The following RPS3 variants were observed in gnomAD, a reference collection of about 807,000 sequenced individuals.
RPS3 encodes the protein small ribosomal subunit protein uS3.
RPS3 carries 2 observed loss-of-function variants against 25.8 expected under a neutral mutation model. The observed-to-expected ratio is 0.08, with a 90% CI of 0.03 to 0.24. The LOEUF (loss-of-function observed/expected upper bound fraction) is 0.24. Among genes scored for constraint, RPS3 ranks in the 10% least tolerant of loss-of-function variants. RPS3 has a pLI of 1.00. For synonymous variants in RPS3, 114 were observed against 114.2 expected (o/e 1.00, Z 0.01); for missense variants, 107 against 307.1 (o/e 0.35, Z 4.87).
chr11:75,400,543 C>T, intron 1 of RPS3, 151 bp from the exon 2 acceptor site: 1 of 1,096,830 alleles, frequency 9.1e-7, no homozygotes, highest in African/African-American at 1.5e-5. Context: ...AGAAGGGTTG[C>T]TGCACTCCTG....
chr11:75,411,733 T>A (rs1948358319), downstream of RPS3, among the ~76,000 whole-genome samples: 1 of 152,240 alleles, frequency 6.6e-6, no homozygotes, highest in African/African-American at 2.4e-5. Context: ...AAATGCTTGT[T>A]GCTTGACCAA....
intron 6 of RPS3, among the ~76,000 whole-genome samples, chr11:75,420,701 C>T (rs909466521): frequency 9.2e-5 from 14 of 152,098 alleles, no homozygotes; most frequent in African/African-American, 3.4e-4. Context: ...ACAGGTGAAA[C>T]TGACACCTTT....
intron 6 of RPS3, among the ~76,000 whole-genome samples, chr11:75,416,352 C>G (rs1208977557): frequency 6.6e-6 from 1 of 152,098 alleles, no homozygotes; most frequent in African/African-American, 2.4e-5. Flanking sequence ...CTTTCTGTTT[C>G]TGTTCAAAAG....
Position 75,399,555 on chromosome 11 carries a change from T to C in RPS3, c.8T>C (p.Val3Ala), listed in dbSNP as rs1381673730. The change falls in exon 1 of 7, where the codon GTG (valine) becomes GCG (alanine). Residue 3 changes from valine to alanine, a missense_variant. By Grantham distance (64) the Val-to-Ala change is moderately conservative. Transcript: ENST00000531188. ...GCGGAGCGCGGCGGCAAGATGGCAG[T>C]GCAAATATCCAAGAAGAGGAAGGTG... MAVQISKKRKFVA... is the reference protein window; with the variant it reads MAAQISKKRKFVA... The C allele has an allele frequency of 1.2e-6, 2 of 1,613,876 alleles. No homozygotes were observed. Among genetic ancestry groups the C allele is most frequent in the South Asian group, 1.1e-5 (1 of 91,074 alleles).
intron 4 of RPS3, 130 bp downstream of exon 4, chr11:75,402,576 A>T (rs1225407135): frequency 3.2e-6 from 3 of 923,516 alleles, no homozygotes; most frequent in Non-Finnish European, 4.8e-6. Flanking sequence ...TTATAATAAG[A>T]TACTAAGTCA....
At chr11:75,399,864 G>T (rs1286567589) in intron 1 of RPS3, 10 of 529,554 alleles carry the variant, frequency 1.9e-5, no homozygotes, top group East Asian at 1.7e-4. Flanking sequence ...ATTAGTAAAC[G>T]TGGTATTTTG....
At chr11:75,416,931 C>A (rs1342302759) in intron 6 of RPS3, among the ~76,000 whole-genome samples, 1 of 152,184 alleles carries the variant, frequency 6.6e-6, no homozygotes, top group Non-Finnish European at 1.5e-5. Context: ...ATTTTATCAA[C>A]CAAACCATTC....
At chr11:75,409,817 G>A (rs1356173067), downstream of RPS3, among the ~76,000 whole-genome samples, 1 of 129,922 alleles carries the variant, frequency 7.7e-6, no homozygotes, top group East Asian at 2.2e-4. Context: ...GCGGGGGGCT[G>A]ACCCCCCCAC....
chr11:75,400,556 G>A, intron 1 of RPS3, 138 bp from the exon 2 acceptor site: 2 of 1,269,266 alleles, frequency 1.6e-6, no homozygotes, highest in Non-Finnish European at 2.3e-6. Flanking sequence ...CACTCCTGTT[G>A]GAACAAGGGT....
chr11:75,413,249 ATTTTTTT>A (rs34936491), intron 6 of RPS3, among the ~76,000 whole-genome samples: 1 of 109,610 alleles, frequency 9.1e-6, no homozygotes, highest in African/African-American at 3.4e-5. Context: ...ATATATATAT[ATTTTTTT>A]TTTTGAGACA....
intron 1 of RPS3, chr11:75,399,796 C>T (rs1948177275): frequency 5.3e-6 from 3 of 566,376 alleles, no homozygotes; most frequent in African/African-American, 1.9e-5. Context: ...GAGAGATGGG[C>T]ACCAGGCGCC....
At chr11:75,410,857 G>A (rs1360018485), downstream of RPS3, among the ~76,000 whole-genome samples, 4 of 152,060 alleles carry the variant, frequency 2.6e-5, no homozygotes, top group East Asian at 7.7e-4. Flanking sequence ...GTGGCGGCGC[G>A]CGCCTGCAAT....
intron 3 of RPS3, 58 bp downstream of exon 3, chr11:75,401,791 A>G: frequency 1.0e-6 from 1 of 965,106 alleles, no homozygotes; most frequent in African/African-American, 1.6e-5. Context: ...ACTTCTAAAA[A>G]CTCTCAACTT....
intron 3 of RPS3, 79 bp from the exon 4 acceptor site, chr11:75,402,273 G>A: frequency 3.1e-6 from 5 of 1,588,890 alleles, no homozygotes; most frequent in Non-Finnish European, 4.3e-6. Context: ...AGTGATACTT[G>A]TGTGGCAAAT....
downstream of RPS3, among the ~76,000 whole-genome samples, chr11:75,411,455 T>C (rs1321434102): frequency 6.6e-6 from 1 of 152,126 alleles, no homozygotes; most frequent in Non-Finnish European, 1.5e-5. Flanking sequence ...AGTGGCGCAA[T>C]CTCGGCTCAC....
Position 75,404,713 on chromosome 11 carries a change from C to G in RPS3, c.580C>G (p.Pro194Ala). Residue 194 changes from proline to alanine, a missense_variant, in exon 6 of 7, where the codon CCA becomes GCA. By Grantham distance (27) the Pro-to-Ala change is conservative. Coordinates refer to ENST00000531188, the MANE Select transcript of RPS3 (RefSeq NM_001005.5). The surrounding 1 kb of genome is among the most constrained non-coding windows in gnomAD (Gnocchi z 4.6). ...GGTGAAGATCATGCTGCCCTGGGAC[C>G]CAACTGGTAAGATTGGCCCTAAGAA... ...IKVKIMLPWD[P>A]TGKIGPKKPL... 1.2e-6 allele frequency: 2 copies of G among 1,613,250 alleles called. No homozygotes were observed. Among genetic ancestry groups the G allele is most frequent in the Non-Finnish European group, 1.7e-6 (2 of 1,179,896 alleles).
intron 4 of RPS3, 36 bp downstream of exon 4, chr11:75,402,482 G>T (rs767884299): frequency 6.3e-7 from 1 of 1,579,074 alleles, no homozygotes; most frequent in Non-Finnish European, 8.7e-7. Context: ...ATGACCTTTT[G>T]TGTGTATCAA....
chr11:75,413,545 C>G (rs1033976332), intron 6 of RPS3, among the ~76,000 whole-genome samples: 1 of 152,138 alleles, frequency 6.6e-6, no homozygotes, highest in Non-Finnish European at 1.5e-5. Flanking sequence ...CATGAGCCAC[C>G]GCGCCCAGCC....
At chr11:75,401,489 CA>C (rs111445702) in intron 2 of RPS3, 150 bp from the exon 3 acceptor site, 5,463 of 465,844 alleles carry the variant, frequency 0.012, no homozygotes, top group Middle Eastern at 0.019. Flanking sequence ...GACCCTGTCT[CA>C]AAAAAAAAAG....
Sources: gnomAD v4.1 joint callset for allele counts (sites outside exome capture counted in the v4.1 genomes callset) on GRCh38, gnomAD v4.1.1 for gene constraint, Gnocchi (gnomAD v3.1) non-coding constraint, MANE v1.5 for transcripts, NCBI Gene and HGNC (gene_info 2026-07-23, HGNC 2026-07-21) for gene names.